The following CEMIP variants were observed in gnomAD, a reference collection of about 807,000 sequenced individuals.
CEMIP encodes cell migration inducing hyaluronidase 1.
CEMIP carries 105 observed loss-of-function variants against 156.9 expected under a neutral mutation model. The ratio of observed to expected loss-of-function variants is 0.67; its 90% CI spans 0.57 to 0.79. CEMIP has a LOEUF of 0.79. Among genes scored for constraint, CEMIP ranks in the 30% least tolerant of loss-of-function variants. The pLI is 0.00. For synonymous variants in CEMIP, 676 were observed against 668.4 expected (o/e 1.01, Z -0.17); for missense variants, 1,457 against 1,769.4 (o/e 0.82, Z 3.17).
At chr15:80,894,075 C>T (rs997820204) in intron 10 of CEMIP, among the ~76,000 whole-genome samples, 1 of 152,204 alleles carries the variant, frequency 6.6e-6, no homozygotes, top group South Asian at 2.1e-4. Flanking sequence ...TAGCTGCTCA[C>T]CAGCCAGCCC....
intron 3 of CEMIP, among the ~76,000 whole-genome samples, chr15:80,875,942 G>A (rs143947401): frequency 1.1e-3 from 166 of 152,344 alleles, no homozygotes; most frequent in African/African-American, 3.9e-3. Flanking sequence ...GCTGGGATGT[G>A]TGCTCACACA....
intron 18 of CEMIP, 116 bp downstream of exon 18, chr15:80,924,822 T>C: frequency 1.0e-6 from 1 of 956,480 alleles, no homozygotes; most frequent in Non-Finnish European, 1.7e-6. Context: ...TGCTTTGTGC[T>C]GGGCTTTGAG....
chr15:80,927,037 G>C (rs551694788), intron 19 of CEMIP, among the ~76,000 whole-genome samples: 1 of 152,322 alleles, frequency 6.6e-6, no homozygotes, highest in South Asian at 2.1e-4. Flanking sequence ...CACCACATTG[G>C]CCAGGCTGGT....
intron 25 of CEMIP, among the ~76,000 whole-genome samples, chr15:80,938,761 G>A (rs1426025163): frequency 1.3e-5 from 2 of 152,170 alleles, no homozygotes; most frequent in African/African-American, 2.4e-5. Context: ...TGAAAACAGA[G>A]TATCTGTTTC....
At position 80,873,933 on chromosome 15, in the gene CEMIP, C is replaced by T; in HGVS notation, c.54C>T (p.Ser18=). ...TCTTCAAGGCCATGCTGACCATCAGCTGGCTCACTCTGACCTGCTTCCCTG... is the reference window on the plus strand; with the variant it reads ...TCTTCAAGGCCATGCTGACCATCAGTTGGCTCACTCTGACCTGCTTCCCTG... ...DFLFKAMLTI[S]WLTLTCFPGA... Residue 18 remains serine, a synonymous_variant, in exon 3 of 30, where the codon AGC becomes AGT. Transcript: ENST00000394685. The T allele has an allele frequency of 1.9e-6, 3 of 1,575,774 alleles. No individual in the cohort carries two copies. The highest frequency in any genetic ancestry group is 2.6e-6 in the Non-Finnish European group (3 of 1,158,794).
intron 19 of CEMIP, 138 bp from the exon 20 acceptor site, chr15:80,928,759 GCACGA>G: frequency 9.6e-7 from 1 of 1,037,876 alleles, no homozygotes; most frequent in Middle Eastern, 2.9e-4. Flanking sequence ...AACTCCCTGA[GCACGA>G]CTCTGCTTAT....
intron 27 of CEMIP, 80 bp downstream of exon 27, chr15:80,942,417 T>C: frequency 2.5e-6 from 3 of 1,217,020 alleles, no homozygotes; most frequent in Non-Finnish European, 3.6e-6. Context: ...TGGCACAAAT[T>C]ACTGCAAACT....
At chr15:80,893,710 G>A (rs948592491) in intron 10 of CEMIP, among the ~76,000 whole-genome samples, 2 of 152,220 alleles carry the variant, frequency 1.3e-5, no homozygotes, top group African/African-American at 4.8e-5. Flanking sequence ...GGGGGTGTGA[G>A]TGTGTTTTTG....
intron 1 of CEMIP, among the ~76,000 whole-genome samples, chr15:80,785,123 A>G (rs2141561327): frequency 6.6e-6 from 1 of 152,338 alleles, no homozygotes; most frequent in East Asian, 1.9e-4. Context: ...TTTTAAGCGC[A>G]AGATCGTTGT....
intron 25 of CEMIP, among the ~76,000 whole-genome samples, chr15:80,941,213 A>G (rs1366334357): frequency 6.6e-6 from 1 of 152,208 alleles, no homozygotes; most frequent in Non-Finnish European, 1.5e-5. Context: ...CCCATGTTTC[A>G]GATGCAGGAC....
intron 14 of CEMIP, among the ~76,000 whole-genome samples, chr15:80,913,260 T>G (rs1228588160): frequency 2.0e-5 from 3 of 152,216 alleles, no homozygotes; most frequent in Admixed American, 2.0e-4. Context: ...TGGTCTGAAA[T>G]TCCTCCAACT....
rs774683081 is a variant in CEMIP at position 80,932,077 on chromosome 15, G to A, written c.2793+38G>A. The A allele has an allele frequency of 6.2e-7, 1 of 1,606,098 alleles. No homozygotes were observed. Among genetic ancestry groups the A allele is most frequent in the South Asian group, 1.1e-5 (1 of 91,000 alleles). Reference sequence around the variant, plus strand: ...CCAGGGCAGACTCCCGGCAAACCCAGACTTTGGATGGTGATTCACAAGTCC... The same window carrying A: ...CCAGGGCAGACTCCCGGCAAACCCAAACTTTGGATGGTGATTCACAAGTCC... On this transcript the variant is annotated intron_variant, in intron 22 of 29. Transcript: ENST00000394685. The surrounding 1 kb of genome is among the most constrained non-coding windows in gnomAD (Gnocchi z 4.5).
chr15:80,924,996 T>C (rs1596195520), intron 18 of CEMIP, among the ~76,000 whole-genome samples: 1 of 152,072 alleles, frequency 6.6e-6, no homozygotes, highest in Non-Finnish European at 1.5e-5. Context: ...CCACAGTAGG[T>C]TGGGCCAGGA....
At position 80,931,859 on chromosome 15, in the gene CEMIP, G is replaced by A. The variant is rs776395257; in HGVS notation, c.2613G>A (p.Gln871=). 2 of 1,613,862 alleles carry A rather than the reference G, an allele frequency of 1.2e-6. No individual in the cohort carries two copies. The highest frequency in any genetic ancestry group is 1.7e-5 in the Admixed American group (1 of 60,022). ...ACATCTTACTTCCTTAACTCCGTAG[G>A]AATTTTCCAATTAGAGGAATTCAGT... The part of the protein sequence containing the change: ...DHSGRTLPIG[Q]NFPIRGIQLY... Residue 871 remains glutamine (Q), a splice_region_variant and synonymous_variant, in exon 22 of 30, where the codon CAG becomes CAA. Coordinates refer to ENST00000394685, the MANE Select transcript of CEMIP (RefSeq NM_001293298.2).
intron 17 of CEMIP, among the ~76,000 whole-genome samples, chr15:80,923,159 A>G (rs1336066058): frequency 6.6e-6 from 1 of 152,180 alleles, no homozygotes; most frequent in Non-Finnish European, 1.5e-5. Context: ...TGGCAGAAAC[A>G]GAAGCAGAGT....
intron 1 of CEMIP, among the ~76,000 whole-genome samples, chr15:80,806,781 C>T (rs922059469): frequency 1.3e-5 from 2 of 152,234 alleles, no homozygotes; most frequent in East Asian, 3.8e-4. Context: ...ATCATCTGCT[C>T]ACTTTCCAGT....
At chr15:80,814,611 G>A (rs1896750175) in intron 1 of CEMIP, among the ~76,000 whole-genome samples, 1 of 152,302 alleles carries the variant, frequency 6.6e-6, no homozygotes, top group East Asian at 1.9e-4. Context: ...GAACCTGTGG[G>A]TGCCTTGGAA....
chr15:80,878,986 T>C (rs1898557473), intron 4 of CEMIP, 119 bp downstream of exon 4: 1 of 1,320,106 alleles, frequency 7.6e-7, no homozygotes, highest in Non-Finnish European at 1.1e-6. Flanking sequence ...TTTGGGTTCA[T>C]GTTGGCATTT....
chr15:80,855,507 CTTTTTCTTT>C (rs1897830063), intron 1 of CEMIP, among the ~76,000 whole-genome samples: 2 of 149,950 alleles, frequency 1.3e-5, no homozygotes, highest in East Asian at 2.0e-4. Flanking sequence ...TTTTTTTTTT[CTTTTTCTTT>C]TTTTTCTTTT....
Sources: gnomAD v4.1 joint callset for allele counts (sites outside exome capture counted in the v4.1 genomes callset) on GRCh38, gnomAD v4.1.1 for gene constraint, Gnocchi (gnomAD v3.1) non-coding constraint, MANE v1.5 for transcripts, NCBI Gene and HGNC (gene_info 2026-07-23, HGNC 2026-07-21) for gene names.